The following PSPH variants were observed in gnomAD, a reference collection of about 807,000 sequenced individuals.
The protein encoded by PSPH is L-3-phosphoserine phosphatase.
A neutral mutation model predicts 23.4 loss-of-function variants in PSPH; 16 were observed. The ratio of observed to expected loss-of-function variants is 0.68; its 90% CI spans 0.46 to 1.04. The LOEUF (loss-of-function observed/expected upper bound fraction) is 1.04. PSPH is among the 50% of genes least tolerant of loss of function. PSPH has a pLI of 0.00. For missense variants in PSPH, 223 were observed against 273.7 expected (o/e 0.81, Z 1.31); for synonymous variants, 68 against 99.7 (o/e 0.68, Z 1.89).
chr7:56,031,347 A>G (rs1229509556), intron 3 of PSPH, among the ~76,000 whole-genome samples: 3 of 152,244 alleles, frequency 2.0e-5, no homozygotes, highest in Admixed American at 6.5e-5. Context: ...GATGGGATCA[A>G]TTGTACCCCA....
At position 56,039,906 on chromosome 7, in the gene PSPH, C is replaced by G. The variant is rs760007391; in HGVS notation, c.-291-5800G>C. 4.6e-5 allele frequency among the ~76,000 whole-genome samples: 7 copies of G among 151,468 alleles called. No individual in the cohort carries two copies. In the South Asian group the frequency reaches 1.5e-3, roughly 32 times the overall value. ...GAGGTCAGGAGATCGAGACCATCCT[C>G]GCTAACATGGTGAAACCCCGTATCT... On this transcript the variant is annotated intron_variant, in intron 1 of 7. Coordinates refer to ENST00000275605, the MANE Select transcript of PSPH (RefSeq NM_004577.4).
At chr7:56,025,907 T>G (rs942993839) in intron 3 of PSPH, among the ~76,000 whole-genome samples, 2 of 152,028 alleles carry the variant, frequency 1.3e-5, no homozygotes, top group Admixed American at 1.3e-4. Flanking sequence ...TGTCATGTGT[T>G]TTTTTATTCC....
intron 1 of PSPH, among the ~76,000 whole-genome samples, chr7:56,039,148 CAAAA>C (rs34620559): frequency 1.8e-5 from 1 of 56,624 alleles, no homozygotes; most frequent in African/African-American, 6.7e-5. Context: ...AACTCTGTCT[CAAAA>C]AAAAAAAAAA....
chr7:56,014,848 C>A (rs1788373129), intron 7 of PSPH, among the ~76,000 whole-genome samples, 175 bp downstream of exon 7: 1 of 152,084 alleles, frequency 6.6e-6, no homozygotes, highest in Admixed American at 6.6e-5. Flanking sequence ...GAGGCTGAGA[C>A]ACAAGAATGG....
intron 3 of PSPH, among the ~76,000 whole-genome samples, chr7:56,023,533 G>A (rs186331389): frequency 6.6e-6 from 1 of 152,038 alleles, no homozygotes; most frequent in Non-Finnish European, 1.5e-5. Flanking sequence ...AAATTGCTGG[G>A]ATTACAGGCA....
At chr7:56,021,324 A>G in intron 3 of PSPH, 93 bp from the exon 4 acceptor site, 1 of 1,279,652 alleles carries the variant, frequency 7.8e-7, no homozygotes, top group Non-Finnish European at 1.1e-6. Flanking sequence ...TTTGTGTCAA[A>G]GTCAGTGCAG....
At chr7:56,050,122 T>C (rs747189786) in intron 1 of PSPH, among the ~76,000 whole-genome samples, 3 of 152,216 alleles carry the variant, frequency 2.0e-5, no homozygotes, top group Non-Finnish European at 4.4e-5. Context: ...TCTTCTATCG[T>C]GCAGTGCTAC....
At chr7:56,042,837 C>T (rs1352173024) in intron 1 of PSPH, among the ~76,000 whole-genome samples, 1 of 151,792 alleles carries the variant, frequency 6.6e-6, no homozygotes, top group Non-Finnish European at 1.5e-5. Context: ...GGTAAAATAA[C>T]CATCACAGAA....
intron 6 of PSPH, among the ~76,000 whole-genome samples, chr7:56,016,059 C>T (rs1297172257): frequency 1.3e-4 from 20 of 152,016 alleles, no homozygotes. Context: ...AATTACCACA[C>T]TCATTCTTGA....
chr7:56,035,595 G>T (rs1213344500), intron 1 of PSPH, among the ~76,000 whole-genome samples: 1 of 151,902 alleles, frequency 6.6e-6, no homozygotes, highest in Admixed American at 6.6e-5. Flanking sequence ...TCTACCCTTA[G>T]CTACAGGACC....
intron 2 of PSPH, 57 bp from the exon 3 acceptor site, chr7:56,032,111 G>A (rs1161266683): frequency 6.6e-6 from 1 of 152,220 alleles, no homozygotes; most frequent in Non-Finnish European, 1.5e-5. Flanking sequence ...ACAGGAAAGA[G>A]GGAGACTGGC....
Position 56,031,941 on chromosome 7 carries a change from C to T in PSPH, c.-32G>A, listed in dbSNP as rs1423576713. 3.3e-5 allele frequency: 5 copies of T among 153,240 alleles called. No individual in the cohort carries two copies. Among genetic ancestry groups the T allele is most frequent in the Non-Finnish European group, 5.9e-5 (4 of 68,040 alleles). The allele number at this position is 153,240 out of a possible 1,614,324, so 9.5% of individuals were successfully genotyped here. A position where few individuals can be genotyped will look rare whatever the true frequency, so the allele number is the denominator to read the frequency against. Reference sequence around the variant, plus strand: ...AAATCAGACTCACGTTTCTCCAGTGCTAGATTTCTAGGAGACGACACTCTT... The same window carrying T: ...AAATCAGACTCACGTTTCTCCAGTGTTAGATTTCTAGGAGACGACACTCTT... On this transcript the variant is annotated 5_prime_UTR_variant, in exon 3 of 8. Coordinates refer to ENST00000275605, the MANE Select transcript of PSPH (RefSeq NM_004577.4).
rs1584480914 is a variant in PSPH, at chr7:56,037,533, C to T, written c.-291-3427G>A. On this transcript the variant is annotated intron_variant, in intron 1 of 7. Transcript: ENST00000275605. ...TCCTGGGCTCAAGCAATCTTCCTGC[C>T]TCAGCCTTCCGAGTAGGTTGGACCA... Among the ~76,000 whole-genome samples the T allele has an allele frequency of 2.0e-5, 3 of 151,960 alleles. No homozygotes were observed. The South Asian group carries it at 6.2e-4, about 32-fold the overall frequency.
intron 3 of PSPH, among the ~76,000 whole-genome samples, chr7:56,029,175 A>C (rs1790605436): frequency 6.6e-6 from 1 of 152,142 alleles, no homozygotes; most frequent in Admixed American, 6.6e-5. Flanking sequence ...CGTATTTAAA[A>C]TTCTCGTGGC....
intron 3 of PSPH, among the ~76,000 whole-genome samples, chr7:56,029,492 T>TAAAAAAAAAAAAAAA (rs59890123): frequency 2.6e-5 from 2 of 76,820 alleles, no homozygotes; most frequent in African/African-American, 5.4e-5. Flanking sequence ...ACCAACTGAT[T>TAAAAAAAAAAAAAAA]AAAAAAAAAA....
chr7:56,045,978 G>A (rs1341911478), intron 1 of PSPH, among the ~76,000 whole-genome samples: 3 of 151,808 alleles, frequency 2.0e-5, no homozygotes, highest in Non-Finnish European at 4.4e-5. Context: ...GTGGGCAGTA[G>A]GATATTTGCA....
At chr7:56,014,522 TATTTA>T (rs1788331886) in intron 7 of PSPH, among the ~76,000 whole-genome samples, 1 of 152,234 alleles carries the variant, frequency 6.6e-6, no homozygotes, top group African/African-American at 2.4e-5. Context: ...TATTTTATTT[TATTTA>T]TTTATTTTGT....
chr7:56,027,887 T>TAAAAA (rs11445778), intron 3 of PSPH, among the ~76,000 whole-genome samples: 2 of 74,748 alleles, frequency 2.7e-5, no homozygotes, highest in Non-Finnish European at 5.0e-5. Context: ...ATTCTTTCTC[T>TAAAAA]AAAAAAAAAA....
intron 3 of PSPH, among the ~76,000 whole-genome samples, chr7:56,029,014 C>T (rs1346559192): frequency 6.6e-6 from 1 of 151,636 alleles, no homozygotes; most frequent in African/African-American, 2.4e-5. Flanking sequence ...GGGGTTTCAC[C>T]ATATTGGCCA....
Sources: allele counts gnomAD v4.1 joint callset (sites outside exome capture counted in the v4.1 genomes callset), GRCh38; gene constraint gnomAD v4.1.1; transcripts MANE v1.5; gene names NCBI Gene and HGNC (gene_info 2026-07-23, HGNC 2026-07-21).